TENM2: variants seen among roughly 807,000 people sequenced by gnomAD.
TENM2 encodes the protein teneurin-2.
Under a neutral mutation model 245.2 loss-of-function variants are expected in TENM2, and 52 were observed. That is an observed-to-expected ratio of 0.21 (90% CI 0.17 to 0.27). TENM2 has a LOEUF of 0.27. Among genes scored for constraint, TENM2 ranks in the 10% least tolerant of loss-of-function variants. The pLI is 1.00. For synonymous variants in TENM2, 1,363 were observed against 1,438.9 expected (o/e 0.95, Z 1.19); for missense variants, 3,046 against 3,666.8 (o/e 0.83, Z 4.37).
rs1224743443 is a variant in TENM2, at chr5:168,226,227, C to A, written c.5248C>A (p.Leu1750Ile). 2.5e-6 allele frequency: 4 copies of A among 1,613,462 alleles called. No individual in the cohort carries two copies. In the African/African-American group the frequency reaches 5.3e-5, roughly 22 times the overall value. Residue 1750 changes from leucine to isoleucine, a missense_variant, in exon 24 of 29, where the codon CTC becomes ATC. Physicochemically the swap from Leu to Ile is conservative, Grantham distance 5. This residue lies in a region of TENM2 where 2,704 missense variants were observed against 3,331.9 expected (regional missense o/e 0.81). Transcript: ENST00000518659. ...TGATGACGTCACTGTCATCACCAAC[C>A]TCTCTTCAGTAGAGGCCTCCTACAC...
intron 13 of TENM2, among the ~76,000 whole-genome samples, chr5:168,181,536 A>G (rs901518726): frequency 2.6e-5 from 4 of 152,206 alleles, no homozygotes; most frequent in South Asian, 2.1e-4. Context: ...AGTCATAAGA[A>G]AGGCCAGAAG....
Position 167,459,966 on chromosome 5 carries a change from C to CAT in TENM2, c.502+84503_502+84504dup, listed in dbSNP as rs796287015. Among the ~76,000 whole-genome samples the CAT allele has an allele frequency of 1.1e-3, 172 of 151,640 alleles. 1 individual carries two copies. Among genetic ancestry groups the CAT allele is most frequent in the African/African-American group, 4.0e-3 (166 of 41,382 alleles). On this transcript the variant is annotated intron_variant, in intron 2 of 28. Coordinates refer to ENST00000518659, the Ensembl canonical transcript of TENM2. ...CACACACACAACACACACTCAAACG[C>CAT]ATATATATATACAAACATCAAATAA...
intron 3 of TENM2, among the ~76,000 whole-genome samples, chr5:167,895,766 C>A (rs1175339929): frequency 6.6e-6 from 1 of 152,186 alleles, no homozygotes; most frequent in Non-Finnish European, 1.5e-5. Flanking sequence ...TGACTTAAAG[C>A]CCTGCGATTC....
At chr5:167,541,456 G>A (rs1772208085) in intron 2 of TENM2, among the ~76,000 whole-genome samples, 1 of 152,130 alleles carries the variant, frequency 6.6e-6, no homozygotes, top group Non-Finnish European at 1.5e-5. Flanking sequence ...GAGGTTTGGA[G>A]TAAATTAAAA....
chr5:168,022,732 G>A (rs531166567), intron 5 of TENM2, among the ~76,000 whole-genome samples: 1 of 152,204 alleles, frequency 6.6e-6, no homozygotes, highest in Non-Finnish European at 1.5e-5. Context: ...CATGTATAGT[G>A]TTTCTTTTTA....
intron 2 of TENM2, among the ~76,000 whole-genome samples, chr5:167,863,496 T>C (rs1450909901): frequency 6.7e-6 from 1 of 148,530 alleles, no homozygotes; most frequent in African/African-American, 2.5e-5. Context: ...CACACAAAAT[T>C]AGCCAGGCGT....
In TENM2 at chr5:167,698,684, T is replaced by G. The variant is rs573854550; in HGVS notation, c.503-177302T>G. On this transcript the variant is annotated intron_variant, in intron 2 of 28. Coordinates refer to ENST00000518659, the Ensembl canonical transcript of TENM2. ...TGTGTTTTGTTTTGTTTTTTGTTTT[T>G]TTTTTTTTTTTTTTTTTGAGACATA... is the stretch of plus-strand genomic sequence containing the variant. 9.1e-4 allele frequency among the ~76,000 whole-genome samples: 121 copies of G among 133,188 alleles called. 1 individual carries two copies. The highest frequency in any genetic ancestry group is 4.9e-3 in the East Asian group (21 of 4,274). 87.4% of individuals were successfully genotyped at this position (133,188 alleles called of 152,430 possible). A position where few individuals can be genotyped will look rare whatever the true frequency, so the allele number is the denominator to read the frequency against.
chr5:167,272,642 C>G, the TENM2 span, among the ~76,000 whole-genome samples: 1 of 152,070 alleles, frequency 6.6e-6, no homozygotes, highest in Non-Finnish European at 1.5e-5. Flanking sequence ...AATTACTTGT[C>G]GTAATTTTTA....
the TENM2 span, among the ~76,000 whole-genome samples, chr5:167,161,301 G>A: frequency 3.9e-5 from 6 of 152,110 alleles, no homozygotes; most frequent in Non-Finnish European, 8.8e-5. Flanking sequence ...GGAATCACTC[G>A]ACTATACCCT....
At chr5:167,884,088 A>C (rs1774092456) in intron 3 of TENM2, among the ~76,000 whole-genome samples, 1 of 151,574 alleles carries the variant, frequency 6.6e-6, no homozygotes, top group South Asian at 2.1e-4. Context: ...TTTTGTCTGT[A>C]AAACAACAAT....
chr5:167,704,718 G>A (rs540163965), intron 2 of TENM2, among the ~76,000 whole-genome samples: 7 of 152,238 alleles, frequency 4.6e-5, no homozygotes, highest in South Asian at 2.1e-4. Flanking sequence ...CTGGTTTTGC[G>A]TTTTTTGGCT....
chr5:167,654,735 T>G (rs987396071), intron 2 of TENM2, among the ~76,000 whole-genome samples: 3 of 152,148 alleles, frequency 2.0e-5, no homozygotes, highest in African/African-American at 7.2e-5. Context: ...TGCTAAGCAA[T>G]GCATCCAGAA....
At chr5:167,583,876 T>C (rs766723694) in intron 2 of TENM2, among the ~76,000 whole-genome samples, 10 of 152,190 alleles carry the variant, frequency 6.6e-5, no homozygotes, top group Non-Finnish European at 1.5e-4. Context: ...TGCTCATCTT[T>C]TTTGTCTGCT....
chr5:167,597,165 CTTTTTTTTTT>C lies in TENM2; in HGVS notation c.502+221700_502+221709del, dbSNP rs34227363. ...TATTTCTTTTCTTTTCTTTTCTTTTCTTTTTTTTTTTTTTTTTGAGACAAAGTTTTTCTCA... is the reference window on the plus strand; with the variant it reads ...TATTTCTTTTCTTTTCTTTTCTTTTCTTTTTTTGAGACAAAGTTTTTCTCA... On this transcript the variant is annotated intron_variant, in intron 2 of 28. Coordinates refer to ENST00000518659, the Ensembl canonical transcript of TENM2. Among the ~76,000 whole-genome samples the C allele has an allele frequency of 3.2e-4, 17 of 53,792 alleles. No homozygotes were observed. In the South Asian group the frequency reaches 6.5e-3, roughly 21 times the overall value. The allele number at this position is 53,792 out of a possible 152,430, so 35.3% of individuals were successfully genotyped here.
chr5:167,829,697 G>A (rs924767408), intron 2 of TENM2, among the ~76,000 whole-genome samples: 8 of 152,254 alleles, frequency 5.3e-5, no homozygotes, highest in Non-Finnish European at 8.8e-5. Context: ...TTATGCAGAT[G>A]AGAAAACTGA....
intron 3 of TENM2, among the ~76,000 whole-genome samples, chr5:167,889,131 C>G (rs138878209): frequency 2.4e-4 from 37 of 152,250 alleles, no homozygotes; most frequent in African/African-American, 8.2e-4. Context: ...AAAAACTAAA[C>G]TGATGATAGA....
At chr5:167,275,111 T>C in the TENM2 span, among the ~76,000 whole-genome samples, 1 of 152,042 alleles carries the variant, frequency 6.6e-6, no homozygotes, top group East Asian at 1.9e-4. Context: ...ATACCCTTTG[T>C]TGAAAATGCT....
intron 6 of TENM2, among the ~76,000 whole-genome samples, chr5:168,059,483 G>A (rs978523615): frequency 6.6e-6 from 1 of 152,080 alleles, no homozygotes; most frequent in African/African-American, 2.4e-5. Flanking sequence ...TATTTATAAT[G>A]CATTTCTTTA....
In TENM2 at chr5:167,741,850, C is replaced by T. The variant is rs556885698; in HGVS notation, c.503-134136C>T. Among the ~76,000 whole-genome samples the T allele has an allele frequency of 8.5e-5, 13 of 152,180 alleles. No homozygotes were observed. In the South Asian group the frequency reaches 1.0e-3, roughly 12 times the overall value. Reference sequence around the variant, plus strand: ...TTTAGAAAATCAACCCTCATGCATTCGGCACCTGTTATTATTTCTAGAAAC... The same window carrying T: ...TTTAGAAAATCAACCCTCATGCATTTGGCACCTGTTATTATTTCTAGAAAC... On this transcript the variant is annotated intron_variant, in intron 2 of 28. Coordinates refer to ENST00000518659, the Ensembl canonical transcript of TENM2.
Sources: allele counts gnomAD v4.1 joint callset (sites outside exome capture counted in the v4.1 genomes callset), GRCh38; gene constraint gnomAD v4.1.1; regional missense constraint gnomAD v4.1.1; transcripts MANE v1.5; gene names NCBI Gene and HGNC (gene_info 2026-07-23, HGNC 2026-07-21).